The following CACNA1C variants were observed in gnomAD, a reference collection of about 807,000 sequenced individuals.
CACNA1C encodes voltage-dependent L-type calcium channel subunit alpha-1C.
CACNA1C carries 30 observed loss-of-function variants against 229.0 expected under a neutral mutation model. The observed-to-expected ratio is 0.13, with a 90% CI of 0.10 to 0.18. The LOEUF (loss-of-function observed/expected upper bound fraction) is 0.18. Ranked by LOEUF, CACNA1C falls within the 10% of genes least tolerant of loss-of-function variation. The pLI, the probability that CACNA1C is intolerant of heterozygous loss-of-function variation, is 1.00. For synonymous variants in CACNA1C, 1,114 were observed against 1,132.5 expected (o/e 0.98, Z 0.33); for missense variants, 1,658 against 2,845.0 (o/e 0.58, Z 9.49).
intron 1 of CACNA1C, among the ~76,000 whole-genome samples, chr12:2,110,796 C>T (rs1424927480): frequency 2.0e-5 from 3 of 152,200 alleles, no homozygotes; most frequent in Non-Finnish European, 2.9e-5. Context: ...GTTTCCATTA[C>T]TGTAAGCATT....
intron 3 of CACNA1C, 79 bp from the exon 4 acceptor site, chr12:2,448,897 T>G: frequency 1.1e-5 from 13 of 1,226,458 alleles, no homozygotes; most frequent in Non-Finnish European, 1.3e-5. Context: ...CACCTACTTG[T>G]GAGATCTACT....
chr12:1,979,555 G>A (rs1032079232), intron 1 of CACNA1C, among the ~76,000 whole-genome samples: 3 of 152,212 alleles, frequency 2.0e-5, no homozygotes, highest in Middle Eastern at 3.4e-3. Context: ...CAAGTGATCC[G>A]CCCGCCTCAG....
intron 28 of CACNA1C, 55 bp downstream of exon 28, chr12:2,610,754 G>C: frequency 1.3e-6 from 2 of 1,586,048 alleles, no homozygotes; most frequent in Non-Finnish European, 1.7e-6. Flanking sequence ...GTGCCATGGG[G>C]ATGGAAAGTG....
intron 3 of CACNA1C, among the ~76,000 whole-genome samples, chr12:2,276,050 TATTTTTTAATTTGTATA>T (rs1326999162): frequency 6.6e-6 from 1 of 152,208 alleles, no homozygotes; most frequent in African/African-American, 2.4e-5. Context: ...TGGTATATTT[TATTTTTTAATTTGTATA>T]ATTTTTTAAT....
chr12:2,509,302 A>G (rs1449724622), intron 8 of CACNA1C, among the ~76,000 whole-genome samples: 1 of 148,342 alleles, frequency 6.7e-6, no homozygotes, highest in Non-Finnish European at 1.5e-5. Flanking sequence ...ATGGCCCAAC[A>G]TACACAGTCA....
At chr12:2,547,748 G>A (rs1201660252) in intron 9 of CACNA1C, among the ~76,000 whole-genome samples, 1 of 152,238 alleles carries the variant, frequency 6.6e-6, no homozygotes, top group Non-Finnish European at 1.5e-5. Flanking sequence ...GTCAGTGGGT[G>A]TGACAAACAG....
At chr12:2,307,020 A>C (rs1036014808) in intron 3 of CACNA1C, among the ~76,000 whole-genome samples, 1 of 151,802 alleles carries the variant, frequency 6.6e-6, no homozygotes, top group African/African-American at 2.4e-5. Flanking sequence ...ACCAGAGCCC[A>C]CTCTTAGCCA....
rs1215489142 is a variant in CACNA1C, at chr12:2,348,610, C to G, written c.478-100366C>G. Among the ~76,000 whole-genome samples, 1 of 152,134 alleles carries G rather than the reference C, an allele frequency of 6.6e-6. No homozygotes were observed. The highest frequency in any genetic ancestry group is 2.4e-5 in the African/African-American group (1 of 41,422). On this transcript the variant is annotated intron_variant, in intron 3 of 46. Coordinates refer to ENST00000399655, the MANE Select transcript of CACNA1C (RefSeq NM_000719.7). This position sits in a 1 kb window ranked among gnomAD's most constrained non-coding sequence, Gnocchi z 4.7. ...ATTAAGGCCTGGTTATGTTTAGAAG[C>G]CGTCCAGAGAATGTTTGGCATGCTG...
rs1173643309 is a variant in CACNA1C at position 2,486,712 on chromosome 12, T to C, written c.916+450T>C. ...GCAACAGGTTCTCCCAGCACCACTCTAAGATTTTTCTACCTTCATGGTGCT... is the reference window on the plus strand; with the variant it reads ...GCAACAGGTTCTCCCAGCACCACTCCAAGATTTTTCTACCTTCATGGTGCT... On this transcript the variant is annotated intron_variant, in intron 6 of 46. Transcript: ENST00000399655. The surrounding 1 kb of genome is among the most constrained non-coding windows in gnomAD (Gnocchi z 4.9). Among the ~76,000 whole-genome samples, 1 of 152,192 alleles carries C rather than the reference T, an allele frequency of 6.6e-6. No individual in the cohort carries two copies. The highest frequency in any genetic ancestry group is 1.5e-5 in the Non-Finnish European group (1 of 68,038).
chr12:2,216,090 C>CA (rs1382014291), intron 3 of CACNA1C, among the ~76,000 whole-genome samples: 13 of 152,098 alleles, frequency 8.5e-5, no homozygotes, highest in African/African-American at 2.4e-4. Flanking sequence ...CAGAACTGGG[C>CA]AAAACCACCA....
chr12:2,340,753 C>G (rs904282590), intron 3 of CACNA1C, among the ~76,000 whole-genome samples: 5 of 152,060 alleles, frequency 3.3e-5, no homozygotes, highest in African/African-American at 9.7e-5. Flanking sequence ...GTCAGGAGAT[C>G]GAGACCATCC....
intron 3 of CACNA1C, among the ~76,000 whole-genome samples, chr12:2,216,006 A>G (rs1406835614): frequency 6.6e-6 from 1 of 152,234 alleles, no homozygotes; most frequent in East Asian, 1.9e-4. Flanking sequence ...AACCAGAGAG[A>G]AAGCACACTC....
chr12:1,999,377 T>C (rs1007888760), intron 1 of CACNA1C, among the ~76,000 whole-genome samples: 1 of 152,214 alleles, frequency 6.6e-6, no homozygotes, highest in Admixed American at 6.5e-5. Context: ...ACAAAATATT[T>C]AATCTCAAGA....
At chr12:2,174,996 C>G (rs1387565934) in intron 3 of CACNA1C, among the ~76,000 whole-genome samples, 1 of 152,106 alleles carries the variant, frequency 6.6e-6, no homozygotes, top group African/African-American at 2.4e-5. Flanking sequence ...GTCTTGCCAT[C>G]TCGGGTGGCA....
intron 9 of CACNA1C, among the ~76,000 whole-genome samples, chr12:2,533,733 G>A (rs2099846459): frequency 1.3e-5 from 2 of 152,162 alleles, no homozygotes; most frequent in South Asian, 4.2e-4. Context: ...CATGTCAAAA[G>A]CGCCAGGGCT....
At chr12:2,394,650 ATT>A (rs2098541373) in intron 3 of CACNA1C, among the ~76,000 whole-genome samples, 1 of 152,146 alleles carries the variant, frequency 6.6e-6, no homozygotes, top group Non-Finnish European at 1.5e-5. Context: ...TCAGAAGTGC[ATT>A]GGTGACAAGA....
intron 9 of CACNA1C, among the ~76,000 whole-genome samples, chr12:2,527,856 G>T (rs1402143128): frequency 2.6e-5 from 4 of 152,124 alleles, no homozygotes; most frequent in Non-Finnish European, 5.9e-5. Context: ...GCATTGACTA[G>T]GAAGCTAAGG....
At chr12:2,009,989 C>A (rs762776777) in intron 1 of CACNA1C, among the ~76,000 whole-genome samples, 23 of 151,932 alleles carry the variant, frequency 1.5e-4, no homozygotes, top group South Asian at 4.2e-4. Flanking sequence ...AGAAAAAAAA[C>A]CCAAAAAACT....
intron 28 of CACNA1C, among the ~76,000 whole-genome samples, chr12:2,611,373 G>T (rs1421201419): frequency 6.8e-6 from 1 of 146,858 alleles, no homozygotes; most frequent in African/African-American, 2.5e-5. Flanking sequence ...GAGGGGAGGA[G>T]ATGGAGGAGG....
Sources: allele counts gnomAD v4.1 joint callset (sites outside exome capture counted in the v4.1 genomes callset), GRCh38; gene constraint gnomAD v4.1.1; non-coding constraint Gnocchi (gnomAD v3.1); transcripts MANE v1.5; gene names NCBI Gene and HGNC (gene_info 2026-07-23, HGNC 2026-07-21).